SLC22A9: variants seen among roughly 807,000 people sequenced by gnomAD.
The protein encoded by SLC22A9 is solute carrier family 22 member 9, also known as organic anion transporter 7.
SLC22A9 carries 64 observed loss-of-function variants against 50.1 expected under a neutral mutation model. The ratio of observed to expected loss-of-function variants is 1.28; its 90% CI spans 1.04 to 1.57. SLC22A9 has a LOEUF of 1.57. SLC22A9 is among the 40% of genes most tolerant of loss of function. The pLI, the probability that SLC22A9 is intolerant of heterozygous loss-of-function variation, is 0.00. For synonymous variants in SLC22A9, 261 were observed against 242.5 expected (o/e 1.08, Z -0.71); for missense variants, 757 against 676.1 (o/e 1.12, Z -1.33).
chr11:63,384,004 G>A (rs980420136), intron 6 of SLC22A9, among the ~76,000 whole-genome samples: 2 of 151,062 alleles, frequency 1.3e-5, no homozygotes, highest in South Asian at 2.1e-4. Context: ...AGCTGAGATC[G>A]TGCCACTGCA....
chr11:63,385,115 T>TTTG (rs775704719), intron 6 of SLC22A9, among the ~76,000 whole-genome samples: 2 of 139,414 alleles, frequency 1.4e-5, no homozygotes, highest in East Asian at 4.0e-4. Context: ...AGTTTTTTTT[T>TTTG]TTTTTTTTTT....
chr11:63,391,391 G>A (rs1276133842), intron 6 of SLC22A9, among the ~76,000 whole-genome samples: 1 of 152,024 alleles, frequency 6.6e-6, no homozygotes, highest in Non-Finnish European at 1.5e-5. Flanking sequence ...CTGTCTGGAT[G>A]ATCTGTCCAT....
rs80062925 is a variant in SLC22A9 at position 63,380,403 on chromosome 11, A to T, written c.955-1756A>T. 5.7e-3 allele frequency among the ~76,000 whole-genome samples: 863 copies of T among 152,280 alleles called. 7 individuals are homozygous for T. The highest frequency in any genetic ancestry group is 0.02 in the African/African-American group (828 of 41,548). On this transcript the variant is annotated intron_variant, in intron 5 of 9. Transcript: ENST00000279178. ...CATGCATATGTAGGTTCATCACAGC[A>T]TTTTTCATAATAACAAAGACATGGA...
intron 6 of SLC22A9, among the ~76,000 whole-genome samples, chr11:63,401,725 G>T (rs138699942): frequency 2.0e-5 from 3 of 151,856 alleles, no homozygotes; most frequent in Non-Finnish European, 2.9e-5. Flanking sequence ...ATTCCCACCC[G>T]CAGTCTACTA....
intron 6 of SLC22A9, among the ~76,000 whole-genome samples, chr11:63,393,841 C>T (rs905433461): frequency 1.2e-4 from 18 of 152,030 alleles, no homozygotes; most frequent in African/African-American, 4.3e-4. Context: ...TGAATGTTGG[C>T]CTGTCTTGTT....
chr11:63,394,302 T>A (rs2014814625), intron 6 of SLC22A9, among the ~76,000 whole-genome samples: 1 of 152,114 alleles, frequency 6.6e-6, no homozygotes, highest in South Asian at 2.1e-4. Flanking sequence ...TTTTTAATTC[T>A]ATTTTTGTTT....
intron 6 of SLC22A9, among the ~76,000 whole-genome samples, chr11:63,397,448 C>T (rs2014878915): frequency 6.6e-6 from 1 of 152,140 alleles, no homozygotes; most frequent in African/African-American, 2.4e-5. Context: ...TGGCTAGGTT[C>T]ATGTTATTCC....
chr11:63,408,589 C>A, intron 8 of SLC22A9, 87 bp from the exon 9 acceptor site: 2 of 1,187,654 alleles, frequency 1.7e-6, no homozygotes, highest in South Asian at 1.4e-5. Flanking sequence ...TCTAAATGTT[C>A]CCCCATAATT....
Position 63,373,969 on chromosome 11 carries a change from T to A in SLC22A9, c.737T>A (p.Met246Lys). The A allele has an allele frequency of 6.2e-7, 1 of 1,613,684 alleles. No homozygotes were observed. ...LGMCPSGIAF[M>K]TLAGLAFAIR... The stretch of plus-strand genomic sequence containing the variant: ...ATGTGCCCTTCTGGTATTGCATTTA[T>A]GACCCTGGCAGGCCTGGCTTTTGCC... Residue 246 changes from methionine (M) to lysine (K), a missense_variant, in exon 4 of 10, where the codon ATG becomes AAG. By Grantham distance (95) the Met-to-Lys change is moderately conservative. Transcript: ENST00000279178.
chr11:63,374,949 G>A (rs942535386), intron 4 of SLC22A9, among the ~76,000 whole-genome samples: 13 of 152,000 alleles, frequency 8.6e-5, no homozygotes, highest in Middle Eastern at 3.4e-3. Flanking sequence ...ACTTATAGTC[G>A]GTTAACTATA....
intron 7 of SLC22A9, among the ~76,000 whole-genome samples, chr11:63,407,807 G>T (rs190031608): frequency 6.6e-6 from 1 of 152,118 alleles, no homozygotes; most frequent in Admixed American, 6.5e-5. Context: ...GTCCCTGGAC[G>T]GAATAAATGA....
chr11:63,399,953 A>T (rs1480898213), intron 6 of SLC22A9, among the ~76,000 whole-genome samples: 1 of 152,152 alleles, frequency 6.6e-6, no homozygotes, highest in Non-Finnish European at 1.5e-5. Context: ...CAATCAAGGA[A>T]TTAAGAAGAA....
At chr11:63,393,003 G>GC (rs1204736479) in intron 6 of SLC22A9, among the ~76,000 whole-genome samples, 1 of 151,992 alleles carries the variant, frequency 6.6e-6, no homozygotes, top group Non-Finnish European at 1.5e-5. Flanking sequence ...TTATAGAATT[G>GC]TTTTTTCTAA....
chr11:63,408,100 T>C lies in SLC22A9; in HGVS notation c.1289-12T>C, dbSNP rs1294143100. 1 of 1,610,834 alleles carries C rather than the reference T, an allele frequency of 6.2e-7. No individual in the cohort carries two copies. The highest frequency in any genetic ancestry group is 1.3e-5 in the African/African-American group (1 of 74,864). ...CAGATTTCCTGAGGCCTTGTGTTCT[T>C]CCTTTCTCCAGAAATGCAGACGCTG... is the stretch of plus-strand genomic sequence containing the variant. On this transcript the variant is annotated splice_polypyrimidine_tract_variant and intron_variant, in intron 7 of 9. Coordinates refer to ENST00000279178, the MANE Select transcript of SLC22A9 (RefSeq NM_080866.3).
At chr11:63,401,294 T>C (rs79702925) in intron 6 of SLC22A9, among the ~76,000 whole-genome samples, 5,265 of 152,048 alleles carry the variant, frequency 0.035, 275 homozygotes, top group African/African-American at 0.12. Context: ...AAACAAAAAA[T>C]TCAGTAAAGT....
chr11:63,375,899 C>A, intron 5 of SLC22A9, 131 bp downstream of exon 5: 1 of 1,165,142 alleles, frequency 8.6e-7, no homozygotes, highest in Non-Finnish European at 1.2e-6. Context: ...TATCACCTCA[C>A]TATCATTTTT....
At position 63,406,901 on chromosome 11, in the gene SLC22A9, G is replaced by A. The variant is rs188416468; in HGVS notation, c.1288+190G>A. On this transcript the variant is annotated intron_variant, in intron 7 of 9. Coordinates refer to ENST00000279178, the MANE Select transcript of SLC22A9 (RefSeq NM_080866.3). Reference sequence around the variant, plus strand: ...GAAAACGAGTCAAAGATGAGTAAAGGTTGGCTCTATTATATGGTTGTCCTC... The same window carrying A: ...GAAAACGAGTCAAAGATGAGTAAAGATTGGCTCTATTATATGGTTGTCCTC... Among the ~76,000 whole-genome samples, 7 of 152,252 alleles carry A rather than the reference G, an allele frequency of 4.6e-5. No homozygotes were observed. The East Asian group carries it at 7.7e-4, about 17-fold the overall frequency.
intron 6 of SLC22A9, among the ~76,000 whole-genome samples, chr11:63,402,540 G>A (rs925568811): frequency 2.0e-5 from 3 of 151,934 alleles, no homozygotes; most frequent in African/African-American, 2.4e-5. Context: ...TTTGAAATCA[G>A]GTAGTGTGAT....
intron 6 of SLC22A9, 33 bp downstream of exon 6, chr11:63,382,310 C>T (rs1057375119): frequency 6.7e-7 from 1 of 1,494,708 alleles, no homozygotes. Flanking sequence ...GGGTAAGTTA[C>T]AGTACTGGAG....
Sources: allele counts gnomAD v4.1 joint callset (sites outside exome capture counted in the v4.1 genomes callset), GRCh38; gene constraint gnomAD v4.1.1; transcripts MANE v1.5; gene names NCBI Gene and HGNC (gene_info 2026-07-23, HGNC 2026-07-21).